GPC5: variants seen among roughly 807,000 people sequenced by gnomAD.
GPC5 encodes the protein glypican 5.
In GPC5, 47 loss-of-function variants were observed where a neutral mutation model predicts 53.9. The observed-to-expected ratio is 0.87, with a 90% CI of 0.69 to 1.11. The LOEUF is 1.11. Ranked by LOEUF, GPC5 falls within the 50% of genes most tolerant of loss-of-function variation. The probability of loss-of-function intolerance (pLI) is 0.00; values close to 1 mark genes in which losing one functional copy is unlikely to be tolerated. For synonymous variants in GPC5, 286 were observed against 263.3 expected, an observed-to-expected ratio of 1.09 and a Z score of -0.84; for missense variants, 748 against 713.1, an observed-to-expected ratio of 1.05 and a Z score of -0.56.
intron 7 of GPC5, among the ~76,000 whole-genome samples, chr13:92,438,224 C>T (rs1003560616): frequency 4.6e-5 from 7 of 151,766 alleles, no homozygotes; most frequent in Non-Finnish European, 1.0e-4. Context: ...TATCATGTAC[C>T]TATGAACACA....
chr13:92,021,286 A>T (rs558767721), intron 6 of GPC5, among the ~76,000 whole-genome samples: 6 of 152,362 alleles, frequency 3.9e-5, no homozygotes, highest in African/African-American at 1.4e-4. Flanking sequence ...GAAATGGGAT[A>T]CTATTCAGCA....
intron 7 of GPC5, among the ~76,000 whole-genome samples, chr13:92,205,333 C>A (rs1310701276): frequency 6.6e-6 from 1 of 152,132 alleles, no homozygotes; most frequent in Non-Finnish European, 1.5e-5. Context: ...AATTACCTAT[C>A]TGATTTTACT....
intron 5 of GPC5, among the ~76,000 whole-genome samples, chr13:91,831,069 C>A (rs2038652103): frequency 7.4e-6 from 1 of 135,162 alleles, no homozygotes; most frequent in Non-Finnish European, 1.5e-5. Context: ...TATATATATC[C>A]TATTATTATA....
chr13:91,478,820 T>TACACACAC (rs750424772), intron 2 of GPC5, among the ~76,000 whole-genome samples: 1 of 112,838 alleles, frequency 8.9e-6, no homozygotes, highest in Non-Finnish European at 1.8e-5. Context: ...TATATATATA[T>TACACACAC]ATACACACAC....
intron 7 of GPC5, among the ~76,000 whole-genome samples, chr13:92,647,079 T>A (rs1186857872): frequency 6.6e-6 from 1 of 151,964 alleles, no homozygotes; most frequent in Non-Finnish European, 1.5e-5. Context: ...TAAAGACAGT[T>A]TTGTTTTTCC....
intron 5 of GPC5, among the ~76,000 whole-genome samples, chr13:91,825,850 C>A (rs903380541): frequency 6.6e-6 from 1 of 152,008 alleles, no homozygotes; most frequent in Admixed American, 6.6e-5. Flanking sequence ...AGGGAAGAAG[C>A]CTCAACTCTG....
intron 7 of GPC5, among the ~76,000 whole-genome samples, chr13:92,622,623 G>A (rs1290551038): frequency 3.3e-5 from 5 of 151,856 alleles, no homozygotes; most frequent in African/African-American, 1.2e-4. Flanking sequence ...GAGTGCTGTG[G>A]TGCAGTCTCA....
At chr13:92,758,415 T>C (rs2139335929) in intron 7 of GPC5, among the ~76,000 whole-genome samples, 1 of 151,958 alleles carries the variant, frequency 6.6e-6, no homozygotes, top group African/African-American at 2.4e-5. Flanking sequence ...GCATGGCACA[T>C]GTATACGTAT....
chr13:92,420,017 A>T (rs893923963), intron 7 of GPC5, among the ~76,000 whole-genome samples: 1 of 152,148 alleles, frequency 6.6e-6, no homozygotes, highest in Non-Finnish European at 1.5e-5. Context: ...CTTTTCAATC[A>T]GGGCAGGATC....
At chr13:91,695,549 A>AT (rs1226754193) in intron 3 of GPC5, among the ~76,000 whole-genome samples, 1 of 151,584 alleles carries the variant, frequency 6.6e-6, no homozygotes, top group African/African-American at 2.4e-5. Flanking sequence ...AATTTTTTGT[A>AT]TTTTTTTAGT....
chr13:91,933,351 C>T (rs2039839591), intron 6 of GPC5, among the ~76,000 whole-genome samples: 1 of 151,922 alleles, frequency 6.6e-6, no homozygotes, highest in Non-Finnish European at 1.5e-5. Context: ...AAACCCAAAT[C>T]ATGTATCATG....
intron 7 of GPC5, chr13:92,446,497 T>C (rs1323889462): frequency 2.0e-5 from 3 of 151,652 alleles, no homozygotes; most frequent in Non-Finnish European, 4.4e-5. Flanking sequence ...CTCCATTTTG[T>C]CTAAGTACCA....
chr13:92,601,233 C>A (rs2139080610), intron 7 of GPC5, among the ~76,000 whole-genome samples: 1 of 151,846 alleles, frequency 6.6e-6, no homozygotes, highest in Middle Eastern at 3.4e-3. Context: ...TTATTTGTAC[C>A]ACCTTAGAGC....
chr13:92,008,750 C>A (rs191014196), intron 6 of GPC5, among the ~76,000 whole-genome samples: 3 of 152,190 alleles, frequency 2.0e-5, no homozygotes, highest in Non-Finnish European at 4.4e-5. Context: ...GACATTACTT[C>A]TTGAAATTTT....
chr13:92,174,557 C>A (rs965429119), intron 7 of GPC5, among the ~76,000 whole-genome samples: 20 of 144,710 alleles, frequency 1.4e-4, no homozygotes, highest in South Asian at 2.1e-4. Context: ...AAAACAAAAA[C>A]AACAACAACA....
chr13:92,254,746 G>T (rs2042715421), intron 7 of GPC5, among the ~76,000 whole-genome samples: 1 of 152,146 alleles, frequency 6.6e-6, no homozygotes, highest in Admixed American at 6.6e-5. Context: ...ACAGAGAAGT[G>T]CAGAGTGAAG....
At chr13:92,183,391 T>C (rs761152235) in intron 7 of GPC5, among the ~76,000 whole-genome samples, 1 of 152,102 alleles carries the variant, frequency 6.6e-6, no homozygotes. Context: ...TAGATACATA[T>C]GGTAGCAGCA....
chr13:91,501,292 C>A (rs574586413), intron 2 of GPC5, among the ~76,000 whole-genome samples: 1 of 138,970 alleles, frequency 7.2e-6, no homozygotes, highest in African/African-American at 2.7e-5. Flanking sequence ...ATGTGCACAA[C>A]GTGCAGGTTT....
chr13:91,562,619 A>ATTT (rs35271520), intron 2 of GPC5, among the ~76,000 whole-genome samples: 16,983 of 125,840 alleles, frequency 0.13, 1,597 homozygotes, highest in African/African-American at 0.27. Flanking sequence ...ATGCCTGGCT[A>ATTT]TTTTTTTTTT....
Sources: allele counts gnomAD v4.1 joint callset (sites outside exome capture counted in the v4.1 genomes callset), GRCh38; gene constraint gnomAD v4.1.1; transcripts MANE v1.5; gene names NCBI Gene and HGNC (gene_info 2026-07-23, HGNC 2026-07-21).